Variants in EYS observed in about 807,000 individuals in gnomAD.
The protein encoded by EYS is EGF-like photoreceptor maintenance factor, also known as protein eyes shut homolog.
A neutral mutation model predicts 282.1 loss-of-function variants in EYS; 250 were observed. That is an observed-to-expected ratio of 0.89 (90% CI 0.80 to 0.98). The LOEUF (loss-of-function observed/expected upper bound fraction) is 0.98. Among genes scored for constraint, EYS ranks in the 50% least tolerant of loss-of-function variants. The pLI, the probability that EYS is intolerant of heterozygous loss-of-function variation, is 0.00. For missense variants in EYS, 4,016 were observed against 3,709.0 expected (o/e 1.08, Z -2.15); for synonymous variants, 1,355 against 1,282.9 (o/e 1.06, Z -1.20).
chr6:64,731,123 T>C (rs746834777), intron 22 of EYS: 1 of 152,072 alleles, frequency 6.6e-6, no homozygotes, highest in Non-Finnish European at 1.5e-5. Context: ...TATACAAAAA[T>C]TAACTCAAGA....
intron 2 of EYS, among the ~76,000 whole-genome samples, chr6:65,497,614 T>C (rs1766300925): frequency 6.6e-6 from 1 of 152,050 alleles, no homozygotes; most frequent in East Asian, 1.9e-4. Context: ...GGAGCTCATA[T>C]TTTATTCGAG....
chr6:65,374,959 A>T (rs1765305016), intron 8 of EYS, among the ~76,000 whole-genome samples: 1 of 152,150 alleles, frequency 6.6e-6, no homozygotes, highest in South Asian at 2.1e-4. Context: ...TCGCAGCTTC[A>T]GTGGACTTAA....
intron 12 of EYS, among the ~76,000 whole-genome samples, chr6:65,221,964 G>C (rs1766477724): frequency 6.6e-6 from 1 of 152,138 alleles, no homozygotes; most frequent in African/African-American, 2.4e-5. Flanking sequence ...ACTTGCATGA[G>C]ACCTGTAGCC....
intron 2 of EYS, among the ~76,000 whole-genome samples, chr6:65,617,670 T>A (rs1279288698): frequency 2.0e-5 from 3 of 150,624 alleles, no homozygotes; most frequent in Admixed American, 6.6e-5. Context: ...TCATCTAGCA[T>A]TAGGTATATC....
At chr6:64,211,407 A>G (rs1765761421) in intron 31 of EYS, among the ~76,000 whole-genome samples, 1 of 152,054 alleles carries the variant, frequency 6.6e-6, no homozygotes, top group Non-Finnish European at 1.5e-5. Flanking sequence ...AGTGCTTAAA[A>G]TCATTTCTCA....
intron 13 of EYS, among the ~76,000 whole-genome samples, chr6:65,013,053 C>T (rs536184850): frequency 1.3e-5 from 2 of 152,082 alleles, no homozygotes; most frequent in African/African-American, 4.8e-5. Context: ...ATGGAAATTG[C>T]ATTGAACAAA....
At chr6:65,433,716 T>G (rs1339655624) in intron 5 of EYS, among the ~76,000 whole-genome samples, 1 of 152,194 alleles carries the variant, frequency 6.6e-6, no homozygotes, top group Non-Finnish European at 1.5e-5. Context: ...GATTATTTGT[T>G]AATAAAAATG....
intron 41 of EYS, among the ~76,000 whole-genome samples, chr6:63,760,648 ATATCTATCTATCTATCTATCTATC>A (rs36182718): frequency 8.4e-4 from 122 of 146,004 alleles, no homozygotes; most frequent in South Asian, 1.3e-3. Flanking sequence ...GTATGTATGT[ATATCTATCTATCTATCTATCTATC>A]TATCTATCTA....
chr6:64,486,751 A>T (rs1450581622), intron 26 of EYS, among the ~76,000 whole-genome samples: 1 of 151,348 alleles, frequency 6.6e-6, no homozygotes. Flanking sequence ...CTAAAGGGTC[A>T]TCTAATTCAG....
intron 34 of EYS, among the ~76,000 whole-genome samples, chr6:63,987,543 T>C (rs1767425341): frequency 6.6e-6 from 1 of 151,710 alleles, no homozygotes; most frequent in Non-Finnish European, 1.5e-5. Flanking sequence ...TAAGAATTTA[T>C]GAGCTACAAT....
chr6:65,167,512 C>T (rs933583849), intron 12 of EYS, among the ~76,000 whole-genome samples: 1 of 151,134 alleles, frequency 6.6e-6, no homozygotes, highest in Non-Finnish European at 1.5e-5. Context: ...ATCACTTTCT[C>T]TTTGGTTTTC....
chr6:64,174,119 AATCT>A (rs1201613149), intron 31 of EYS, among the ~76,000 whole-genome samples: 6 of 152,176 alleles, frequency 3.9e-5, no homozygotes, highest in Non-Finnish European at 7.4e-5. Context: ...AAAATAGTCA[AATCT>A]ATCTATTTTT....
chr6:64,963,303 A>AAT (rs892227941), intron 14 of EYS, among the ~76,000 whole-genome samples: 6 of 152,152 alleles, frequency 3.9e-5, no homozygotes, highest in Non-Finnish European at 2.9e-5. Context: ...AGACTTAGTA[A>AAT]ATATTTTACA....
Position 65,554,597 on chromosome 6 carries a change from C to T in EYS, c.-332-58604G>A, listed in dbSNP as rs182424342. Among the ~76,000 whole-genome samples, 12 of 152,258 alleles carry T rather than the reference C, an allele frequency of 7.9e-5. No homozygotes were observed. In the East Asian group the frequency reaches 1.9e-3, roughly 25 times the overall value. ...TCTGCCTTCTACAGTAATTACTATA[C>T]ACCACTTTTACTTTCTATCCTCTTC... On this transcript the variant is annotated intron_variant, in intron 2 of 42. Transcript: ENST00000503581.
At chr6:64,379,797 T>C (rs1056259511) in intron 29 of EYS, 1 of 152,168 alleles carries the variant, frequency 6.6e-6, no homozygotes, top group African/African-American at 2.4e-5. Context: ...GAGGAAATGG[T>C]ATGTGACATA....
At chr6:63,947,735 A>G (rs1195664965) in intron 35 of EYS, among the ~76,000 whole-genome samples, 1 of 152,180 alleles carries the variant, frequency 6.6e-6, no homozygotes, top group African/African-American at 2.4e-5. Flanking sequence ...CTAATCGCAT[A>G]ATAAGCAATT....
chr6:65,561,496 A>G (rs1251228149), intron 2 of EYS, among the ~76,000 whole-genome samples: 1 of 151,964 alleles, frequency 6.6e-6, no homozygotes, highest in East Asian at 1.9e-4. Flanking sequence ...TTTTTTGTTG[A>G]CCTAATTGTT....
intron 26 of EYS, among the ~76,000 whole-genome samples, chr6:64,503,535 G>T (rs569680980): frequency 7.5e-4 from 114 of 152,186 alleles, no homozygotes; most frequent in Non-Finnish European, 1.4e-3. Context: ...GGGTTTATAG[G>T]TAACTCCCCT....
intron 26 of EYS, among the ~76,000 whole-genome samples, chr6:64,563,204 G>A (rs922832522): frequency 6.6e-6 from 1 of 151,914 alleles, no homozygotes; most frequent in Non-Finnish European, 1.5e-5. Context: ...CATTTTCTGG[G>A]TTATTACTGG....
Sources: allele counts gnomAD v4.1 joint callset (sites outside exome capture counted in the v4.1 genomes callset), GRCh38; gene constraint gnomAD v4.1.1; transcripts MANE v1.5; gene names NCBI Gene and HGNC (gene_info 2026-07-23, HGNC 2026-07-21).